CRYBA4: variants seen among roughly 807,000 people sequenced by gnomAD.
CRYBA4 encodes crystallin beta A4.
A neutral mutation model predicts 31.7 loss-of-function variants in CRYBA4; 30 were observed. That is an observed-to-expected ratio of 0.95 (90% confidence interval 0.71 to 1.28). CRYBA4 has a LOEUF of 1.28. CRYBA4 is among the 50% of genes most tolerant of loss of function. The pLI is 0.00. For missense variants in CRYBA4, 225 were observed against 260.7 expected (o/e 0.86, Z 0.94); for synonymous variants, 102 against 102.3 (o/e 1.00, Z 0.02).
At chr22:26,597,259 C>T in the CRYBA4 span, among the ~76,000 whole-genome samples, 1 of 152,158 alleles carries the variant, frequency 6.6e-6, no homozygotes, top group Non-Finnish European at 1.5e-5. Flanking sequence ...CTAATGTTCC[C>T]ACCTCAATAA....
At chr22:26,611,263 T>G in the CRYBA4 span, among the ~76,000 whole-genome samples, 2 of 152,172 alleles carry the variant, frequency 1.3e-5, no homozygotes, top group African/African-American at 4.8e-5. Flanking sequence ...CAAGTGGGCA[T>G]AAGAATAGCC....
the CRYBA4 span, among the ~76,000 whole-genome samples, chr22:26,593,963 C>T: frequency 6.6e-6 from 1 of 152,214 alleles, no homozygotes; most frequent in African/African-American, 2.4e-5. Flanking sequence ...GAAACAGAGG[C>T]TCCAGCAGGT....
chr22:26,594,791 AG>A, the CRYBA4 span, among the ~76,000 whole-genome samples: 9 of 152,238 alleles, frequency 5.9e-5, no homozygotes, highest in South Asian at 4.1e-4. Flanking sequence ...GCCCCCGAAA[AG>A]GCTGAAGGCA....
the CRYBA4 span, among the ~76,000 whole-genome samples, chr22:26,608,370 AG>A: frequency 2.6e-5 from 4 of 152,186 alleles, no homozygotes; most frequent in African/African-American, 9.7e-5. Flanking sequence ...CAGGACTTGG[AG>A]CCAAGGAACA....
At chr22:26,616,355 G>A in the CRYBA4 span, 1 of 1,585,708 alleles carries the variant, frequency 6.3e-7, no homozygotes, top group Non-Finnish European at 8.6e-7. Flanking sequence ...AGAAACTCTG[G>A]CCTTCAGGGA....
the CRYBA4 span, among the ~76,000 whole-genome samples, chr22:26,592,207 C>A: frequency 1.3e-5 from 2 of 152,102 alleles, no homozygotes; most frequent in African/African-American, 2.4e-5. Flanking sequence ...TTTATAATGT[C>A]CTTTTGTGGA....
At chr22:26,602,125 C>T in the CRYBA4 span, 3 of 1,457,768 alleles carry the variant, frequency 2.1e-6, no homozygotes, top group East Asian at 2.3e-5. Context: ...TGAGCCTGTT[C>T]AGGCTGCTGG....
intron 1 of CRYBA4, 89 bp from the exon 2 acceptor site, chr22:26,622,495 TG>T: frequency 1.8e-6 from 2 of 1,119,700 alleles, no homozygotes; most frequent in Non-Finnish European, 2.7e-6. Flanking sequence ...ACTCCCTATG[TG>T]GATCCTGACC....
At chr22:26,606,918 A>G in the CRYBA4 span, among the ~76,000 whole-genome samples, 58 of 152,246 alleles carry the variant, frequency 3.8e-4, no homozygotes, top group African/African-American at 1.3e-3. Flanking sequence ...TTTGACCTTG[A>G]ATCTTCTGGA....
chr22:26,609,018 G>A, the CRYBA4 span, among the ~76,000 whole-genome samples: 1 of 152,146 alleles, frequency 6.6e-6, no homozygotes, highest in Non-Finnish European at 1.5e-5. Flanking sequence ...CAGTGCAGGT[G>A]GGGTAGATAA....
At chr22:26,592,086 A>T in the CRYBA4 span, among the ~76,000 whole-genome samples, 3 of 152,188 alleles carry the variant, frequency 2.0e-5, no homozygotes, top group South Asian at 6.2e-4. Context: ...GGAGCCAGCC[A>T]TTACTGGTCT....
the CRYBA4 span, among the ~76,000 whole-genome samples, chr22:26,595,953 G>A: frequency 3.3e-5 from 5 of 150,888 alleles, no homozygotes; most frequent in African/African-American, 1.2e-4. Flanking sequence ...TTTATTTTTT[G>A]TAGAGGTAAG....
Position 26,623,334 on chromosome 22 carries a change from TG to T in CRYBA4, c.141del (p.Val49CysfsTer2), listed in dbSNP as rs1295323885. 1 of 1,613,918 alleles carries T rather than the reference TG, an allele frequency of 6.2e-7. No homozygotes were observed. On this transcript the variant is annotated frameshift_variant, in exon 3 of 6. Transcript: ENST00000354760. LOFTEE classifies it high-confidence loss of function. ...CTTGGCTTCGAGACTGTGCGATCTT[TG>T]AAAGTGCTGAGTGGAGCGTGAGTCT... ...LELGFETVRS[L>X]KVLSGAWVGF...
intron 5 of CRYBA4, among the ~76,000 whole-genome samples, chr22:26,628,834 T>TA (rs1201359240): frequency 2.0e-5 from 3 of 152,080 alleles, no homozygotes; most frequent in African/African-American, 7.3e-5. Context: ...GCTCAGTGAT[T>TA]CTATTAAAGG....
chr22:26,620,556 C>CT (rs60318967), upstream of CRYBA4, among the ~76,000 whole-genome samples: 359 of 88,502 alleles, frequency 4.1e-3, 15 homozygotes, highest in Middle Eastern at 0.021. Context: ...TCATGCATTC[C>CT]TTTTTTTTTT....
chr22:26,622,741 A>C (rs1929572670), intron 2 of CRYBA4, 106 bp downstream of exon 2: 1 of 875,366 alleles, frequency 1.1e-6, no homozygotes. Flanking sequence ...ACAGAGGTGC[A>C]ATCAAGGCTC....
rs142869513 is a variant in CRYBA4, at chr22:26,623,327, C to G, written c.133C>G (p.Arg45Gly). 6.2e-7 allele frequency: 1 copy of G among 1,613,932 alleles called. No individual in the cohort carries two copies. The highest frequency in any genetic ancestry group is 1.7e-5 in the Admixed American group (1 of 60,022). The change falls in exon 3 of 6, where the codon CGA becomes GGA. Residue 45 changes from arginine (R) to glycine (G), a missense_variant. By Grantham distance (125) the Arg-to-Gly change is moderately radical (BLOSUM62 -2). Coordinates refer to ENST00000354760, the MANE Select transcript of CRYBA4 (RefSeq NM_001886.3). The part of the protein sequence containing the change: ...SVLELGFETV[R>G]SLKVLSGAWV... Reference sequence around the variant, plus strand: ...GCTGGAGCTTGGCTTCGAGACTGTGCGATCTTTGAAAGTGCTGAGTGGAGC... The same window carrying G: ...GCTGGAGCTTGGCTTCGAGACTGTGGGATCTTTGAAAGTGCTGAGTGGAGC...
the CRYBA4 span, among the ~76,000 whole-genome samples, chr22:26,603,125 C>CAAAAAAAA: frequency 3.2e-4 from 22 of 69,078 alleles, no homozygotes; most frequent in African/African-American, 4.7e-4. Flanking sequence ...GACTCCGTCT[C>CAAAAAAAA]AAAAAAAAAA....
chr22:26,611,676 T>G, the CRYBA4 span, among the ~76,000 whole-genome samples: 3 of 151,802 alleles, frequency 2.0e-5, no homozygotes, highest in Non-Finnish European at 2.9e-5. Context: ...GGGTTTCACC[T>G]TGTTAGCCAG....
Sources: allele counts gnomAD v4.1 joint callset (sites outside exome capture counted in the v4.1 genomes callset), GRCh38; gene constraint gnomAD v4.1.1; transcripts MANE v1.5; gene names NCBI Gene and HGNC (gene_info 2026-07-23, HGNC 2026-07-21).